The following LMF1 variants were observed in gnomAD, a reference collection of about 807,000 sequenced individuals.
LMF1 encodes the protein transmembrane protein 112.
LMF1 carries 68 observed loss-of-function variants against 60.6 expected under a neutral mutation model. The ratio of observed to expected loss-of-function variants is 1.12; its 90% CI spans 0.92 to 1.37. LMF1 has a LOEUF of 1.37. LMF1 is among the 40% of genes most tolerant of loss of function. The probability of loss-of-function intolerance (pLI) is 0.00; values close to 1 mark genes in which losing one functional copy is unlikely to be tolerated. For synonymous variants in LMF1, 418 were observed against 324.7 expected (o/e 1.29, Z -3.09); for missense variants, 948 against 767.2 (o/e 1.24, Z -2.78).
In LMF1 at chr16:878,569, C is replaced by T. The variant is rs376406849; in HGVS notation, c.897+1001G>A. Reference sequence around the variant, plus strand: ...GTGGTGAAAACCAGAAACTACCACACGTGCACAGACGGGACGGGTGAACCG... The same window carrying T: ...GTGGTGAAAACCAGAAACTACCACATGTGCACAGACGGGACGGGTGAACCG... On this transcript the variant is annotated intron_variant, in intron 6 of 10. Coordinates refer to ENST00000262301, the MANE Select transcript of LMF1 (RefSeq NM_022773.4). The surrounding 1 kb of genome is among the most constrained non-coding windows in gnomAD (Gnocchi z 5.2). Among the ~76,000 whole-genome samples the T allele has an allele frequency of 4.6e-5, 7 of 152,362 alleles. No individual in the cohort carries two copies. In the East Asian group the frequency reaches 5.8e-4, roughly 13 times the overall value.
chr16:909,040 G>C (rs1184090000), intron 4 of LMF1, among the ~76,000 whole-genome samples: 1 of 152,182 alleles, frequency 6.6e-6, no homozygotes, highest in Non-Finnish European at 1.5e-5. Context: ...GTGCAGCTGA[G>C]CCTGCAGTGA....
chr16:930,372 T>C (rs961692076), intron 3 of LMF1, among the ~76,000 whole-genome samples: 4 of 152,226 alleles, frequency 2.6e-5, no homozygotes, highest in African/African-American at 9.6e-5. Context: ...AAGACCAGCC[T>C]GGGCAGCACA....
At chr16:950,026 CAGCCAACGACAGAGTCAG>C (rs1387670249) in intron 2 of LMF1, among the ~76,000 whole-genome samples, 2 of 141,638 alleles carry the variant, frequency 1.4e-5, no homozygotes, top group African/African-American at 5.5e-5. Flanking sequence ...ACGACAGAGT[CAGCCAACGACAGAGTCAG>C]AGCCAACGAC....
chr16:926,630 A>C (rs867137108), intron 3 of LMF1, among the ~76,000 whole-genome samples: 2 of 152,236 alleles, frequency 1.3e-5, no homozygotes, highest in East Asian at 1.9e-4. Flanking sequence ...CCACCAAAGA[A>C]GACTACCCTA....
chr16:954,773 A>T, intron 1 of LMF1, 107 bp from the exon 2 acceptor site: 2 of 1,045,434 alleles, frequency 1.9e-6, no homozygotes, highest in South Asian at 3.3e-5. Flanking sequence ...GGGGAGGCAG[A>T]GTCTGGCTGA....
intron 5 of LMF1, among the ~76,000 whole-genome samples, chr16:891,738 G>A (rs28532656): frequency 0.38 from 57,758 of 152,104 alleles, 12,093 homozygotes; most frequent in African/African-American, 0.54. Flanking sequence ...GGTCCCCTCA[G>A]CTTTCCTGAC....
Position 870,878 on chromosome 16 carries a change from G to A in LMF1, c.1083C>T (p.Ser361=), listed in dbSNP as rs372228920. ...RGARPEPRFG[S]VVRRAANVSL... ...AGACGTTGGCTGCACGCCGCACCACGGAGCCTGGCAGGGGAGTGACATCTT... is the reference window on the plus strand; with the variant it reads ...AGACGTTGGCTGCACGCCGCACCACAGAGCCTGGCAGGGGAGTGACATCTT... The change falls in exon 8 of 11, where the codon TCC becomes TCT. Residue 361 remains serine, a synonymous_variant. Transcript: ENST00000262301. The A allele has an allele frequency of 3.8e-5, 61 of 1,606,028 alleles. No homozygotes were observed. The highest frequency in any genetic ancestry group is 1.6e-4 in the Middle Eastern group (1 of 6,078).
At chr16:958,954 C>T (rs542400372) in intron 1 of LMF1, among the ~76,000 whole-genome samples, 42 of 152,118 alleles carry the variant, frequency 2.8e-4, no homozygotes, top group South Asian at 1.5e-3. Flanking sequence ...GCAGAAGGTT[C>T]GGGACAGCAG....
chr16:958,640 G>A (rs574443542), intron 1 of LMF1, among the ~76,000 whole-genome samples: 5 of 152,234 alleles, frequency 3.3e-5, no homozygotes, highest in South Asian at 2.1e-4. Context: ...TAATCCCAGC[G>A]CTTTGGGAGG....
chr16:912,550 G>A (rs574452046), intron 3 of LMF1, among the ~76,000 whole-genome samples: 4 of 152,314 alleles, frequency 2.6e-5, no homozygotes, highest in South Asian at 2.1e-4. Context: ...GAGGCAGCGC[G>A]ACCCTGGTCT....
intron 1 of LMF1, chr16:979,748 G>A (rs1308578444): frequency 2.2e-6 from 1 of 454,164 alleles, no homozygotes; most frequent in South Asian, 1.6e-5. Context: ...GTGAGCCCGA[G>A]TGGGCGATGT....
At chr16:918,458 A>G (rs1169580590) in intron 3 of LMF1, among the ~76,000 whole-genome samples, 1 of 152,222 alleles carries the variant, frequency 6.6e-6, no homozygotes, top group African/African-American at 2.4e-5. Flanking sequence ...CGCGGCAAAG[A>G]GTGTTTAGGA....
At chr16:913,007 C>G (rs958979237) in intron 3 of LMF1, among the ~76,000 whole-genome samples, 1 of 152,230 alleles carries the variant, frequency 6.6e-6, no homozygotes. Context: ...CCGAACGAGG[C>G]GGCAACACGC....
intron 2 of LMF1, among the ~76,000 whole-genome samples, chr16:941,515 G>A (rs1174882363): frequency 1.3e-5 from 2 of 152,206 alleles, no homozygotes; most frequent in African/African-American, 4.8e-5. Context: ...GAGCCACCAT[G>A]CCTGGCCTGA....
rs1285129710 is a variant in LMF1, at chr16:917,987, C to T, written c.515-6908G>A. Among the ~76,000 whole-genome samples, 5 of 152,330 alleles carry T rather than the reference C, an allele frequency of 3.3e-5. No homozygotes were observed. The East Asian group carries it at 5.8e-4, about 18-fold the overall frequency. On this transcript the variant is annotated intron_variant, in intron 3 of 10. Transcript: ENST00000262301. ...ACAGGAGGGCCGCCCTTCTGCTGCC[C>T]GCAAGACATACAGGTGCAGAGCTGG...
upstream of LMF1, among the ~76,000 whole-genome samples, chr16:973,694 C>T (rs369173771): frequency 6.6e-6 from 1 of 152,196 alleles, no homozygotes; most frequent in South Asian, 2.1e-4. Context: ...TGAATTTCGC[C>T]TCGAATTTTA....
chr16:869,402 G>A (rs1187468847), intron 9 of LMF1: 3 of 576,904 alleles, frequency 5.2e-6, no homozygotes, highest in South Asian at 3.0e-5. Flanking sequence ...CTGTCCATGG[G>A]TGCCTCTGCT....
chr16:854,737 T>G, intron 10 of LMF1, 31 bp from the exon 11 acceptor site: 1 of 1,554,588 alleles, frequency 6.4e-7, no homozygotes, highest in South Asian at 1.2e-5. Context: ...GCCCAGGGCC[T>G]GCTGGGACTC....
intron 10 of LMF1, among the ~76,000 whole-genome samples, chr16:866,222 A>G (rs956624846): frequency 6.6e-6 from 1 of 152,068 alleles, no homozygotes. Context: ...TCTTATTTAA[A>G]CCTTCTGCTT....
Sources: allele counts gnomAD v4.1 joint callset (sites outside exome capture counted in the v4.1 genomes callset), GRCh38; gene constraint gnomAD v4.1.1; non-coding constraint Gnocchi (gnomAD v3.1); transcripts MANE v1.5; gene names NCBI Gene and HGNC (gene_info 2026-07-23, HGNC 2026-07-21).